PTPRK: variants seen among roughly 807,000 people sequenced by gnomAD.
PTPRK encodes protein tyrosine phosphatase receptor type K.
PTPRK carries 75 observed loss-of-function variants against 178.0 expected under a neutral mutation model. That is an observed-to-expected ratio of 0.42 (90% CI 0.35 to 0.51). The LOEUF (loss-of-function observed/expected upper bound fraction) is 0.51. PTPRK is among the 20% of genes least tolerant of loss of function. The pLI is 0.02. For missense variants in PTPRK, 1,441 were observed against 1,797.8 expected, an observed-to-expected ratio of 0.80 and a Z score of 3.59; for synonymous variants, 637 against 620.6, an observed-to-expected ratio of 1.03 and a Z score of -0.39.
intron 1 of PTPRK, among the ~76,000 whole-genome samples, chr6:128,469,097 C>T (rs1850272951): frequency 6.6e-6 from 1 of 152,054 alleles, no homozygotes. Flanking sequence ...ATCACTATAT[C>T]CATGGCAAGA....
intron 7 of PTPRK, among the ~76,000 whole-genome samples, chr6:128,129,814 T>C (rs4897245): frequency 0.027 from 4,043 of 152,288 alleles, 135 homozygotes; most frequent in African/African-American, 0.062. Flanking sequence ...CCATTTTGTA[T>C]ATACTTTATT....
At chr6:128,354,568 C>G (rs182563137) in intron 2 of PTPRK, among the ~76,000 whole-genome samples, 1 of 152,156 alleles carries the variant, frequency 6.6e-6, no homozygotes, top group Non-Finnish European at 1.5e-5. Flanking sequence ...ATATATCTCA[C>G]ACATTCTAAA....
Position 128,458,142 on chromosome 6 carries a change from C to T in PTPRK, c.101-60454G>A, listed in dbSNP as rs565790595. Reference sequence around the variant, plus strand: ...ACATTCAGAAAATTTCTCTCCATCTCTTACTTTAGTGGCACAAACTGTCAA... The same window carrying T: ...ACATTCAGAAAATTTCTCTCCATCTTTTACTTTAGTGGCACAAACTGTCAA... On this transcript the variant is annotated intron_variant, in intron 1 of 29. Coordinates refer to ENST00000368226, the MANE Select transcript of PTPRK (RefSeq NM_002844.4). Among the ~76,000 whole-genome samples, 10 of 152,238 alleles carry T rather than the reference C, an allele frequency of 6.6e-5. No homozygotes were observed. The South Asian group carries it at 1.9e-3, about 28-fold the overall frequency.
rs544623848 is a variant in PTPRK, at chr6:128,345,600, G to C, written c.224-23290C>G. ...CAACATCTGAGAAACAAATAATTAG[G>C]TTATGATGCGAAGCTTAGCTTCAGG... On this transcript the variant is annotated intron_variant, in intron 2 of 29. Coordinates refer to ENST00000368226, the MANE Select transcript of PTPRK (RefSeq NM_002844.4). 5.9e-5 allele frequency among the ~76,000 whole-genome samples: 9 copies of C among 152,314 alleles called. No individual in the cohort carries two copies. The East Asian group carries it at 1.7e-3, about 29-fold the overall frequency.
chr6:128,414,584 CT>C (rs1407413175), intron 1 of PTPRK, among the ~76,000 whole-genome samples: 2 of 152,172 alleles, frequency 1.3e-5, no homozygotes, highest in Non-Finnish European at 2.9e-5. Flanking sequence ...CTTGCCACTA[CT>C]TATTTGTAAA....
intron 1 of PTPRK, among the ~76,000 whole-genome samples, chr6:128,482,664 C>T (rs750641549): frequency 2.6e-5 from 4 of 152,130 alleles, no homozygotes; most frequent in Non-Finnish European, 5.9e-5. Context: ...CACTTCAGTT[C>T]GTCGGTCAGT....
chr6:128,037,751 G>A (rs1422530325), intron 13 of PTPRK, among the ~76,000 whole-genome samples: 1 of 151,896 alleles, frequency 6.6e-6, no homozygotes, highest in African/African-American at 2.4e-5. Flanking sequence ...ATACATTACT[G>A]GTTATTTGGT....
intron 3 of PTPRK, among the ~76,000 whole-genome samples, chr6:128,290,024 C>T (rs1359589314): frequency 1.3e-5 from 2 of 152,042 alleles, no homozygotes; most frequent in African/African-American, 2.4e-5. Flanking sequence ...GAAAACCATT[C>T]CATTTTTACA....
chr6:128,138,376 T>C (rs114239091), intron 7 of PTPRK, among the ~76,000 whole-genome samples: 3,442 of 152,242 alleles, frequency 0.023, 105 homozygotes, highest in African/African-American at 0.048. Flanking sequence ...AAAAAATAGA[T>C]GTGCAACCTG....
intron 2 of PTPRK, among the ~76,000 whole-genome samples, chr6:128,323,053 T>C (rs1829047736): frequency 6.6e-6 from 1 of 152,094 alleles, no homozygotes; most frequent in Non-Finnish European, 1.5e-5. Flanking sequence ...TAAACTCTTG[T>C]AGAGCTACAA....
At chr6:128,007,503 C>T (rs571571349) in intron 14 of PTPRK, among the ~76,000 whole-genome samples, 2 of 150,946 alleles carry the variant, frequency 1.3e-5, no homozygotes, top group South Asian at 2.1e-4. Flanking sequence ...ATCAAGTTGT[C>T]ATATTACACA....
At chr6:128,483,020 A>C (rs1160683126) in intron 1 of PTPRK, among the ~76,000 whole-genome samples, 1 of 152,194 alleles carries the variant, frequency 6.6e-6, no homozygotes, top group Non-Finnish European at 1.5e-5. Context: ...ATTCTTAATA[A>C]AATAAAATTA....
At chr6:128,413,876 C>T (rs970766268) in intron 1 of PTPRK, among the ~76,000 whole-genome samples, 2 of 152,050 alleles carry the variant, frequency 1.3e-5, no homozygotes, top group African/African-American at 4.8e-5. Flanking sequence ...TTACTCAAAC[C>T]AATGTCTACT....
At chr6:128,169,280 T>A (rs996835836) in intron 7 of PTPRK, among the ~76,000 whole-genome samples, 1 of 152,068 alleles carries the variant, frequency 6.6e-6, no homozygotes, top group Non-Finnish European at 1.5e-5. Context: ...ATAGTAATTA[T>A]TTCAGCATCT....
intron 1 of PTPRK, among the ~76,000 whole-genome samples, chr6:128,472,326 C>A (rs148855126): frequency 2.6e-5 from 4 of 151,772 alleles, no homozygotes; most frequent in Non-Finnish European, 4.4e-5. Flanking sequence ...GAGCTACATG[C>A]GGCAAGTGGG....
In PTPRK at chr6:127,983,291, T is replaced by C. The variant is rs777693873; in HGVS notation, c.3338A>G (p.Asn1113Ser). The change falls in exon 23 of 30, where the codon AAT becomes AGT. Residue 1113 changes from asparagine to serine, a missense_variant. Physicochemically the swap from Asn to Ser is conservative, Grantham distance 46 (BLOSUM62 1). Around this residue, in one of 4 missense-constraint regions of PTPRK, gnomAD observed 335 missense variants for 512.4 expected, o/e 0.65. Coordinates refer to ENST00000368226, the MANE Select transcript of PTPRK (RefSeq NM_002844.4). ...AEREGVVDIY[N>S]CVKALRSRRI... ...CCGAGATCTTAAGGCTTTGACACAA[T>C]TGTAAATATCAACAACACCCTCTCT... 3.6e-5 allele frequency: 58 copies of C among 1,613,570 alleles called. No homozygotes were observed. Among genetic ancestry groups the C allele is most frequent in the Non-Finnish European group, 4.8e-5 (57 of 1,179,714 alleles).
Position 128,495,385 on chromosome 6 carries a change from A to G in PTPRK, c.100+24874T>C, listed in dbSNP as rs142397504. 8.3e-4 allele frequency among the ~76,000 whole-genome samples: 126 copies of G among 152,338 alleles called. 1 individual carries two copies. Among genetic ancestry groups the G allele is most frequent in the Middle Eastern group, 6.8e-3 (2 of 294 alleles). On this transcript the variant is annotated intron_variant, in intron 1 of 29. Coordinates refer to ENST00000368226, the MANE Select transcript of PTPRK (RefSeq NM_002844.4). ...GAATATATAGCCATGTTGCCTAAAAAAGGAATTATGTGAACTGTAAGGAAA... is the reference window on the plus strand; with the variant it reads ...GAATATATAGCCATGTTGCCTAAAAGAGGAATTATGTGAACTGTAAGGAAA...
intron 14 of PTPRK, among the ~76,000 whole-genome samples, chr6:128,007,559 C>T (rs576312495): frequency 2.0e-5 from 3 of 150,974 alleles, no homozygotes; most frequent in Non-Finnish European, 4.5e-5. Context: ...CAAAATCTTG[C>T]TTAGTGATGG....
At chr6:128,342,221 C>T (rs866808518) in intron 2 of PTPRK, among the ~76,000 whole-genome samples, 6 of 152,004 alleles carry the variant, frequency 3.9e-5, no homozygotes, top group Admixed American at 6.5e-5. Flanking sequence ...CCACTGCACT[C>T]AAGCCTGGGT....
Sources: allele counts gnomAD v4.1 joint callset (sites outside exome capture counted in the v4.1 genomes callset), GRCh38; gene constraint gnomAD v4.1.1; regional missense constraint gnomAD v4.1.1; transcripts MANE v1.5; gene names NCBI Gene and HGNC (gene_info 2026-07-23, HGNC 2026-07-21).